PDCD1LG2: variants seen among roughly 807,000 people sequenced by gnomAD.
PDCD1LG2 encodes the protein B7 dendritic cell molecule.
PDCD1LG2 carries 32 observed loss-of-function variants against 28.2 expected under a neutral mutation model. The ratio of observed to expected loss-of-function variants is 1.13; its 90% CI spans 0.86 to 1.52. The LOEUF (loss-of-function observed/expected upper bound fraction) is 1.52. Among genes scored for constraint, PDCD1LG2 ranks in the 40% most tolerant of loss-of-function variants. The pLI is 0.00. For missense variants in PDCD1LG2, 385 were observed against 323.8 expected, an observed-to-expected ratio of 1.19 and a Z score of -1.45; for synonymous variants, 116 against 120.2, an observed-to-expected ratio of 0.97 and a Z score of 0.23.
At chr9:5,531,621 G>C (rs1820485718) in intron 2 of PDCD1LG2, among the ~76,000 whole-genome samples, 1 of 152,180 alleles carries the variant, frequency 6.6e-6, no homozygotes, top group African/African-American at 2.4e-5. Context: ...AGTAAAGAGG[G>C]GAGTTCTGCT....
At chr9:5,538,687 C>CA (rs955584650) in intron 3 of PDCD1LG2, among the ~76,000 whole-genome samples, 2 of 104,320 alleles carry the variant, frequency 1.9e-5, no homozygotes, top group East Asian at 2.7e-4. Flanking sequence ...GACTCTGTCT[C>CA]AAAAAAAGAA....
intron 6 of PDCD1LG2, among the ~76,000 whole-genome samples, chr9:5,566,760 C>A (rs1816674688): frequency 6.6e-6 from 1 of 152,044 alleles, no homozygotes; most frequent in African/African-American, 2.4e-5. Context: ...AATAAATAGA[C>A]CCTACGTTGC....
At chr9:5,514,669 G>C (rs1418414075) in intron 1 of PDCD1LG2, among the ~76,000 whole-genome samples, 1 of 148,012 alleles carries the variant, frequency 6.8e-6, no homozygotes, top group Non-Finnish European at 1.5e-5. Context: ...TGAAGCCAGA[G>C]TTTGCTTGAG....
intron 3 of PDCD1LG2, among the ~76,000 whole-genome samples, chr9:5,540,429 G>C (rs1209328720): frequency 6.6e-6 from 1 of 151,784 alleles, no homozygotes; most frequent in Non-Finnish European, 1.5e-5. Flanking sequence ...ATACAAAAGA[G>C]AAATGAAACA....
In PDCD1LG2 at chr9:5,534,779, C is replaced by T. The variant is rs775859590; in HGVS notation, c.90C>T (p.Tyr30=). Residue 30 remains tyrosine, a synonymous_variant, in exon 3 of 7, where the codon TAC becomes TAT. Coordinates refer to ENST00000397747, the MANE Select transcript of PDCD1LG2 (RefSeq NM_025239.4). ...LFTVTVPKEL[Y]IIEHGSNVTL... ...CAGTGACAGTCCCTAAGGAACTGTA[C>T]ATAATAGAGCATGGCAGCAATGTGA... 2 of 1,613,764 alleles carry T rather than the reference C, an allele frequency of 1.2e-6. No homozygotes were observed. Among genetic ancestry groups the T allele is most frequent in the South Asian group, 1.1e-5 (1 of 91,030 alleles).
intron 6 of PDCD1LG2, among the ~76,000 whole-genome samples, chr9:5,568,033 T>C (rs1563836045): frequency 6.6e-6 from 1 of 152,250 alleles, no homozygotes; most frequent in East Asian, 1.9e-4. Flanking sequence ...GTGTGTTTCC[T>C]TTCCCCTTTC....
intron 4 of PDCD1LG2, among the ~76,000 whole-genome samples, chr9:5,554,522 A>G (rs147067596): frequency 6.6e-6 from 1 of 152,352 alleles, no homozygotes; most frequent in East Asian, 1.9e-4. Context: ...TCAATGTATA[A>G]AACAAACACG....
At chr9:5,563,534 CAACA>C (rs1211952402) in intron 6 of PDCD1LG2, among the ~76,000 whole-genome samples, 1 of 152,178 alleles carries the variant, frequency 6.6e-6, no homozygotes, top group Admixed American at 6.5e-5. Flanking sequence ...GATGTTTTTG[CAACA>C]AACAATGATT....
chr9:5,565,586 G>A (rs748132546), intron 6 of PDCD1LG2, among the ~76,000 whole-genome samples: 2 of 152,058 alleles, frequency 1.3e-5, no homozygotes, highest in Admixed American at 1.3e-4. Context: ...CCACTCTTAA[G>A]CACATGATTA....
chr9:5,534,499 A>G (rs1820541317), intron 2 of PDCD1LG2, among the ~76,000 whole-genome samples: 1 of 152,220 alleles, frequency 6.6e-6, no homozygotes, highest in African/African-American at 2.4e-5. Context: ...AGAGAGGAGC[A>G]AAGGGCAGTC....
intron 1 of PDCD1LG2, among the ~76,000 whole-genome samples, chr9:5,515,870 C>G (rs1407302319): frequency 8.2e-6 from 1 of 122,058 alleles, no homozygotes; most frequent in Non-Finnish European, 1.6e-5. Context: ...ATGCAGTGAG[C>G]CAAGATCACA....
chr9:5,570,001 A>G lies in PDCD1LG2; in HGVS notation c.*42A>G, dbSNP rs369380473. The G allele has an allele frequency of 1.9e-5, 31 of 1,613,508 alleles. No individual in the cohort carries two copies. Among genetic ancestry groups the G allele is most frequent in the Non-Finnish European group, 2.5e-5 (29 of 1,179,552 alleles). On this transcript the variant is annotated 3_prime_UTR_variant, in exon 7 of 7. Coordinates refer to ENST00000397747, the MANE Select transcript of PDCD1LG2 (RefSeq NM_025239.4). ...GCCAGGGTGACCTGATATGACATCT[A>G]AAGAAGCTTCTGGACTCTGAACAAG...
chr9:5,560,578 TG>T (rs1339211404), intron 5 of PDCD1LG2, among the ~76,000 whole-genome samples: 5 of 152,222 alleles, frequency 3.3e-5, no homozygotes, highest in African/African-American at 9.7e-5. Flanking sequence ...AGGAGGTCCC[TG>T]CCTTAGCCAC....
At chr9:5,550,276 C>T (rs1816304150) in intron 4 of PDCD1LG2, among the ~76,000 whole-genome samples, 1 of 152,186 alleles carries the variant, frequency 6.6e-6, no homozygotes, top group South Asian at 2.1e-4. Context: ...GGATCCCATA[C>T]TTTTGAACTT....
At position 5,570,743 on chromosome 9, in the gene PDCD1LG2, T is replaced by C. The variant is rs1471668246; in HGVS notation, c.*784T>C. The stretch of plus-strand genomic sequence containing the variant: ...TATATACAGTCAAAAATATTTGATA[T>C]GCTCATACGTTGTATCTGCAGCAAT... On this transcript the variant is annotated 3_prime_UTR_variant, in exon 7 of 7. Coordinates refer to ENST00000397747, the MANE Select transcript of PDCD1LG2 (RefSeq NM_025239.4). 10 of 232,300 alleles carry C rather than the reference T, an allele frequency of 4.3e-5. No homozygotes were observed. The highest frequency in any genetic ancestry group is 1.8e-4 in the South Asian group (1 of 5,526). The allele number at this position is 232,300 out of a possible 1,614,324, so 14.4% of individuals were successfully genotyped here. A position where few individuals can be genotyped will look rare whatever the true frequency, so the allele number is the denominator to read the frequency against.
chr9:5,566,934 G>A (rs974376177), intron 6 of PDCD1LG2, among the ~76,000 whole-genome samples: 2 of 152,138 alleles, frequency 1.3e-5, no homozygotes, highest in Non-Finnish European at 2.9e-5. Flanking sequence ...AAAAACAGAA[G>A]TAAAAATATG....
intron 6 of PDCD1LG2, among the ~76,000 whole-genome samples, chr9:5,565,805 T>G (rs934543110): frequency 3.9e-5 from 6 of 152,020 alleles, no homozygotes; most frequent in Non-Finnish European, 7.4e-5. Context: ...AAAAACAATA[T>G]TAAAATAAAT....
At chr9:5,537,529 C>G (rs1053208588) in intron 3 of PDCD1LG2, among the ~76,000 whole-genome samples, 1 of 152,186 alleles carries the variant, frequency 6.6e-6, no homozygotes, top group Non-Finnish European at 1.5e-5. Flanking sequence ...CACGTATACA[C>G]CATAGAATAC....
At chr9:5,555,890 T>C (rs1816430601) in intron 4 of PDCD1LG2, among the ~76,000 whole-genome samples, 1 of 152,224 alleles carries the variant, frequency 6.6e-6, no homozygotes, top group African/African-American at 2.4e-5. Context: ...TGTGTCCAGC[T>C]AATTCCCTAA....
Sources: allele counts gnomAD v4.1 joint callset (sites outside exome capture counted in the v4.1 genomes callset), GRCh38; gene constraint gnomAD v4.1.1; transcripts MANE v1.5; gene names NCBI Gene and HGNC (gene_info 2026-07-23, HGNC 2026-07-21).